Variants in NRXN3 observed in about 807,000 individuals in gnomAD.
NRXN3 encodes neurexin III.
Under a neutral mutation model 137.6 loss-of-function variants are expected in NRXN3, and 32 were observed. The ratio of observed to expected loss-of-function variants is 0.23; its 90% confidence interval spans 0.18 to 0.31. The LOEUF (loss-of-function observed/expected upper bound fraction) is 0.31. Ranked by LOEUF, NRXN3 falls within the 10% of genes least tolerant of loss-of-function variation. NRXN3 has a pLI of 1.00. For missense variants in NRXN3, 1,574 were observed against 2,062.5 expected (o/e 0.76, Z 4.59); for synonymous variants, 798 against 784.5 (o/e 1.02, Z -0.29).
At chr14:78,459,275 C>T (rs1046517803) in intron 4 of NRXN3, among the ~76,000 whole-genome samples, 1 of 152,186 alleles carries the variant, frequency 6.6e-6, no homozygotes, top group African/African-American at 2.4e-5. Flanking sequence ...TACCTAGCCT[C>T]CTCGTGCCTC....
chr14:79,786,727 T>A (rs938891037), intron 19 of NRXN3, among the ~76,000 whole-genome samples: 2 of 152,220 alleles, frequency 1.3e-5, no homozygotes, highest in African/African-American at 4.8e-5. Context: ...CTGCCCAATG[T>A]TCAACTAAGA....
At chr14:78,353,220 C>T (rs2083804544) in intron 4 of NRXN3, among the ~76,000 whole-genome samples, 1 of 152,150 alleles carries the variant, frequency 6.6e-6, no homozygotes, top group South Asian at 2.1e-4. Context: ...CTCTGGTTCC[C>T]ACACACGTTC....
Position 79,350,900 on chromosome 14 carries a change from T to C in NRXN3, c.3263-116321T>C, listed in dbSNP as rs913924721. Among the ~76,000 whole-genome samples, 4 of 152,166 alleles carry C rather than the reference T, an allele frequency of 2.6e-5. No homozygotes were observed. The East Asian group carries it at 7.7e-4, about 29-fold the overall frequency. ...TGTTAACTGCTTATAAGACACCATA[T>C]GCTACACAAAACTTTTTATAAATGT... On this transcript the variant is annotated intron_variant, in intron 15 of 20. Transcript: ENST00000335750.
At chr14:79,852,943 G>A (rs944038474) in intron 20 of NRXN3, among the ~76,000 whole-genome samples, 1 of 151,530 alleles carries the variant, frequency 6.6e-6, no homozygotes, top group Non-Finnish European at 1.5e-5. Context: ...CTAAAATTAT[G>A]AGAAAAAAAG....
chr14:78,954,919 T>C (rs764406042), intron 10 of NRXN3, among the ~76,000 whole-genome samples: 32 of 152,262 alleles, frequency 2.1e-4, no homozygotes, highest in Non-Finnish European at 4.4e-4. Context: ...CTCCAAACGT[T>C]AGCATCACTG....
intron 15 of NRXN3, among the ~76,000 whole-genome samples, chr14:79,344,843 C>T (rs768800562): frequency 8.5e-5 from 13 of 152,174 alleles, no homozygotes; most frequent in Non-Finnish European, 1.6e-4. Context: ...GAAAGAAACT[C>T]TTACAGAATA....
intron 15 of NRXN3, among the ~76,000 whole-genome samples, chr14:79,383,046 G>A (rs1415378347): frequency 6.6e-6 from 1 of 152,028 alleles, no homozygotes; most frequent in African/African-American, 2.4e-5. Context: ...AAAAACTTTT[G>A]ATGATATTGA....
intron 4 of NRXN3, among the ~76,000 whole-genome samples, chr14:78,304,624 G>T (rs147113905): frequency 1.6e-3 from 239 of 152,288 alleles, no homozygotes; most frequent in African/African-American, 5.5e-3. Flanking sequence ...GGGATTGCCC[G>T]TTCTGGATGA....
intron 16 of NRXN3, among the ~76,000 whole-genome samples, chr14:79,628,701 T>A (rs1319630581): frequency 6.6e-6 from 1 of 152,076 alleles, no homozygotes; most frequent in Non-Finnish European, 1.5e-5. Flanking sequence ...TAGTCAAGAG[T>A]TAGGTTGAAA....
chr14:79,794,227 G>C (rs2099154200), intron 19 of NRXN3, among the ~76,000 whole-genome samples: 1 of 152,118 alleles, frequency 6.6e-6, no homozygotes. Context: ...AGCAGGGCGT[G>C]GTGGCAGGCA....
At chr14:78,300,885 G>A (rs565030596) in intron 4 of NRXN3, among the ~76,000 whole-genome samples, 1 of 152,318 alleles carries the variant, frequency 6.6e-6, no homozygotes, top group Non-Finnish European at 1.5e-5. Flanking sequence ...TTCAGTGTTT[G>A]GGGATGATTC....
intron 15 of NRXN3, among the ~76,000 whole-genome samples, chr14:79,039,072 G>C (rs61995308): frequency 1.3e-5 from 2 of 152,102 alleles, no homozygotes; most frequent in African/African-American, 2.4e-5. Context: ...ATCTGTGAAC[G>C]TAACAGAGAG....
chr14:78,874,358 C>A (rs184286225), intron 10 of NRXN3, among the ~76,000 whole-genome samples: 1 of 152,036 alleles, frequency 6.6e-6, no homozygotes, highest in South Asian at 2.1e-4. Flanking sequence ...TTTACATTGT[C>A]GTAAGTAATG....
intron 16 of NRXN3, among the ~76,000 whole-genome samples, chr14:79,470,951 A>AGTGTGTGTGTGTGT (rs371413883): frequency 3.4e-5 from 4 of 116,416 alleles, no homozygotes; most frequent in African/African-American, 9.5e-5. Context: ...AGAGAGAGAG[A>AGTGTGTGTGTGTGT]GTGTGTGTGT....
chr14:79,640,109 A>T (rs983207541), intron 16 of NRXN3, among the ~76,000 whole-genome samples: 1 of 135,414 alleles, frequency 7.4e-6, no homozygotes, highest in African/African-American at 2.5e-5. Flanking sequence ...ATGAAGAGAA[A>T]ATTTACATAA....
At chr14:79,296,167 G>C (rs923234639) in intron 15 of NRXN3, among the ~76,000 whole-genome samples, 1 of 152,060 alleles carries the variant, frequency 6.6e-6, no homozygotes, top group South Asian at 2.1e-4. Flanking sequence ...TATTTTGATT[G>C]GCTGACATAG....
intron 15 of NRXN3, among the ~76,000 whole-genome samples, chr14:79,370,279 G>A (rs1291312128): frequency 1.3e-5 from 2 of 149,230 alleles, no homozygotes; most frequent in Non-Finnish European, 3.0e-5. Context: ...ACCAGCTAAA[G>A]TTTATCGGGT....
At chr14:78,933,216 A>T (rs2099327116) in intron 10 of NRXN3, among the ~76,000 whole-genome samples, 1 of 152,228 alleles carries the variant, frequency 6.6e-6, no homozygotes, top group African/African-American at 2.4e-5. Flanking sequence ...TTAAAACAGA[A>T]TGTGGCTCAT....
intron 4 of NRXN3, among the ~76,000 whole-genome samples, chr14:78,402,433 G>A (rs1006940682): frequency 1.3e-5 from 2 of 152,140 alleles, no homozygotes; most frequent in African/African-American, 4.8e-5. Context: ...AAGTGAGTAG[G>A]TGCTGCCCAA....
Sources: allele counts gnomAD v4.1 joint callset (sites outside exome capture counted in the v4.1 genomes callset), GRCh38; gene constraint gnomAD v4.1.1; transcripts MANE v1.5; gene names NCBI Gene and HGNC (gene_info 2026-07-23, HGNC 2026-07-21).